The following HS1BP3 variants were observed in gnomAD, a reference collection of about 807,000 sequenced individuals.
HS1BP3 encodes the protein HCLS1 binding protein 3, also known as HCLS1-binding protein 3.
A neutral mutation model predicts 33.5 loss-of-function variants in HS1BP3; 32 were observed. That is an observed-to-expected ratio of 0.95 (90% CI 0.72 to 1.28). HS1BP3 has a LOEUF of 1.28. Ranked by LOEUF, HS1BP3 falls within the 50% of genes most tolerant of loss-of-function variation. The probability of loss-of-function intolerance (pLI) is 0.00; values close to 1 mark genes in which losing one functional copy is unlikely to be tolerated. For synonymous variants in HS1BP3, 187 were observed against 209.2 expected, an observed-to-expected ratio of 0.89 and a Z score of 0.92; for missense variants, 486 against 502.3, an observed-to-expected ratio of 0.97 and a Z score of 0.31.
At chr2:20,553,966 G>A in the HS1BP3 span, among the ~76,000 whole-genome samples, 3 of 152,172 alleles carry the variant, frequency 2.0e-5, no homozygotes, top group East Asian at 3.8e-4. Flanking sequence ...GATGAAGGAC[G>A]GTTTAGTATT....
chr2:20,584,478 C>T (rs757217298), intron 5 of HS1BP3, among the ~76,000 whole-genome samples: 1 of 152,232 alleles, frequency 6.6e-6, no homozygotes, highest in Non-Finnish European at 1.5e-5. Flanking sequence ...ACCACTTCTG[C>T]CCCTGCACCA....
At chr2:20,587,504 C>A (rs897054001) in intron 5 of HS1BP3, among the ~76,000 whole-genome samples, 2 of 152,058 alleles carry the variant, frequency 1.3e-5, no homozygotes, top group African/African-American at 2.4e-5. Flanking sequence ...AAGAGCCTGG[C>A]GAAAGGTTGA....
chr2:20,571,614 C>T (rs894987341), intron 5 of HS1BP3, among the ~76,000 whole-genome samples: 1 of 152,216 alleles, frequency 6.6e-6, no homozygotes, highest in African/African-American at 2.4e-5. Context: ...GAAGGGACAG[C>T]AGCAGAGAGA....
chr2:20,646,109 T>G (rs1194416637), intron 1 of HS1BP3, among the ~76,000 whole-genome samples: 2 of 152,184 alleles, frequency 1.3e-5, no homozygotes, highest in African/African-American at 2.4e-5. Flanking sequence ...TCTTGGAGAT[T>G]TGTAAAATGC....
At chr2:20,555,720 G>A (rs1205993891), downstream of HS1BP3, among the ~76,000 whole-genome samples, 2 of 142,710 alleles carry the variant, frequency 1.4e-5, no homozygotes, top group African/African-American at 2.6e-5. Context: ...TCTTCCTTCT[G>A]TGTGTGGGAG....
intron 5 of HS1BP3, among the ~76,000 whole-genome samples, chr2:20,573,272 A>G (rs906024596): frequency 5.9e-5 from 9 of 152,098 alleles, no homozygotes; most frequent in African/African-American, 2.2e-4. Flanking sequence ...GAGAGCCTTC[A>G]GAGGGAGCAT....
intron 5 of HS1BP3, among the ~76,000 whole-genome samples, chr2:20,573,737 G>A (rs747216405): frequency 2.0e-5 from 3 of 152,218 alleles, no homozygotes; most frequent in Non-Finnish European, 4.4e-5. Flanking sequence ...ACAAAAACAA[G>A]TAATTTTCTC....
chr2:20,562,312 C>T (rs1693019530), intron 5 of HS1BP3, among the ~76,000 whole-genome samples: 1 of 151,976 alleles, frequency 6.6e-6, no homozygotes, highest in African/African-American at 2.4e-5. Context: ...GACCCCATCT[C>T]TACTAAAATA....
intron 2 of HS1BP3, chr2:20,606,575 C>T (rs1391615917): frequency 6.0e-6 from 3 of 496,254 alleles, no homozygotes; most frequent in Admixed American, 2.2e-5. Flanking sequence ...GGCCTTGTCC[C>T]CGGATTTGCT....
intron 2 of HS1BP3, among the ~76,000 whole-genome samples, chr2:20,643,056 G>T (rs1309234387): frequency 2.6e-5 from 4 of 152,224 alleles, no homozygotes; most frequent in Admixed American, 2.6e-4. Flanking sequence ...AATTCTTTGA[G>T]TTAATTCATG....
At chr2:20,601,832 G>A (rs942918723) in intron 2 of HS1BP3, among the ~76,000 whole-genome samples, 2 of 140,732 alleles carry the variant, frequency 1.4e-5, no homozygotes, top group Non-Finnish European at 1.5e-5. Flanking sequence ...AGGCTGGAGT[G>A]CAGTGGCGTG....
At chr2:20,609,176 G>A (rs1694263657) in intron 2 of HS1BP3, among the ~76,000 whole-genome samples, 2 of 152,146 alleles carry the variant, frequency 1.3e-5, no homozygotes, top group African/African-American at 4.8e-5. Flanking sequence ...GTCCTTGGGG[G>A]CAGAGGCCGC....
chr2:20,641,593 C>T (rs1053246015), intron 2 of HS1BP3, among the ~76,000 whole-genome samples: 1 of 152,218 alleles, frequency 6.6e-6, no homozygotes, highest in African/African-American at 2.4e-5. Flanking sequence ...TCAGCACCAA[C>T]CTCATTCTCC....
At chr2:20,556,587 T>C (rs1307850912), downstream of HS1BP3, among the ~76,000 whole-genome samples, 1 of 152,216 alleles carries the variant, frequency 6.6e-6, no homozygotes, top group Non-Finnish European at 1.5e-5. Flanking sequence ...TATAGTACTA[T>C]GATTACAAAA....
Position 20,641,048 on chromosome 2 carries a change from C to T in HS1BP3, c.331G>A (p.Val111Met), listed in dbSNP as rs142973625. 67 of 1,614,056 alleles carry T rather than the reference C, an allele frequency of 4.2e-5. No individual in the cohort carries two copies. In the African/African-American group the frequency reaches 4.4e-4, roughly 11 times the overall value. ...GESDIRERRA[V>M]FNEILRCVSK... Reference sequence around the variant, plus strand: ...ACACAGCGCAGGATCTCATTGAACACGGCTCTCCTCTCCCGGATGTCAGAC... The same window carrying T: ...ACACAGCGCAGGATCTCATTGAACATGGCTCTCCTCTCCCGGATGTCAGAC... The change falls in exon 3 of 7, where the codon GTG becomes ATG. Residue 111 changes from valine (V) to methionine (M), a missense_variant. By Grantham distance (21) the Val-to-Met change is conservative. Transcript: ENST00000304031.
Position 20,611,769 on chromosome 2 carries a change from T to G in HS1BP3, c.178+12127A>C, listed in dbSNP as rs1311028737. Among the ~76,000 whole-genome samples the G allele has an allele frequency of 6.6e-6, 1 of 152,160 alleles. No individual in the cohort carries two copies. The highest frequency in any genetic ancestry group is 1.5e-5 in the Non-Finnish European group (1 of 68,020). The stretch of plus-strand genomic sequence containing the variant: ...GTGGTTTTGTATGTGCCCATTCCCA[T>G]GCCCCCCACCCCACGGTGAGGCAGC... On this transcript the variant is annotated intron_variant, in intron 2 of 3. Transcript: ENST00000415264. The surrounding 1 kb of genome is among the most constrained non-coding windows in gnomAD (Gnocchi z 4.9).
chr2:20,644,587 A>G (rs1695459972), intron 2 of HS1BP3, among the ~76,000 whole-genome samples: 1 of 152,174 alleles, frequency 6.6e-6, no homozygotes, highest in Non-Finnish European at 1.5e-5. Flanking sequence ...AATGTGGTGC[A>G]TGTTACCCAG....
rs145280568 is a variant in HS1BP3 at position 20,647,068 on chromosome 2, G to GT, written c.33-1564_33-1563insA. 3.7e-3 allele frequency among the ~76,000 whole-genome samples: 570 copies of GT among 152,238 alleles called. 2 individuals carry two copies. The highest frequency in any genetic ancestry group is 0.013 in the African/African-American group (554 of 41,538). On this transcript the variant is annotated intron_variant, in intron 1 of 6. Transcript: ENST00000304031. Reference sequence around the variant, plus strand: ...GATCATGATGAAAACGAGGCACAGGGGGGTGAAAGTGACAAGAAGGGCAGT... The same window carrying GT: ...GATCATGATGAAAACGAGGCACAGGGTGGGTGAAAGTGACAAGAAGGGCAGT...
At chr2:20,635,429 T>C (rs1012595346) in intron 4 of HS1BP3, 3 of 152,188 alleles carry the variant, frequency 2.0e-5, no homozygotes, top group African/African-American at 4.8e-5. Flanking sequence ...CAATCTCATT[T>C]TGGCAGTAAG....
Sources: allele counts gnomAD v4.1 joint callset (sites outside exome capture counted in the v4.1 genomes callset), GRCh38; gene constraint gnomAD v4.1.1; non-coding constraint Gnocchi (gnomAD v3.1); transcripts MANE v1.5; gene names NCBI Gene and HGNC (gene_info 2026-07-23, HGNC 2026-07-21).